PRELID2: variants seen among roughly 807,000 people sequenced by gnomAD.
The protein encoded by PRELID2 is PRELI domain containing 2.
A neutral mutation model predicts 28.4 loss-of-function variants in PRELID2; 25 were observed. The ratio of observed to expected loss-of-function variants is 0.88; its 90% CI spans 0.64 to 1.23. PRELID2 has a LOEUF of 1.23. PRELID2 is among the 50% of genes most tolerant of loss of function. PRELID2 has a pLI of 0.00. For synonymous variants in PRELID2, 76 were observed against 71.6 expected (o/e 1.06, Z -0.31); for missense variants, 201 against 214.4 (o/e 0.94, Z 0.39).
intron 4 of PRELID2, among the ~76,000 whole-genome samples, chr5:145,801,843 A>G (rs1753161690): frequency 6.6e-6 from 1 of 152,164 alleles, no homozygotes; most frequent in South Asian, 2.1e-4. Flanking sequence ...AAGTCACCTG[A>G]TTGTGCTTAT....
At chr5:145,454,311 A>T in the PRELID2 span, among the ~76,000 whole-genome samples, 5 of 152,212 alleles carry the variant, frequency 3.3e-5, no homozygotes, top group Non-Finnish European at 7.3e-5. Flanking sequence ...TGACAAACCC[A>T]CAGCCAATAT....
At chr5:145,565,368 T>C (rs1561507298) in intron 1 of PRELID2, among the ~76,000 whole-genome samples, 1 of 152,236 alleles carries the variant, frequency 6.6e-6, no homozygotes, top group Non-Finnish European at 1.5e-5. Context: ...AATTCTGACA[T>C]TGGCACTGCT....
chr5:145,346,944 T>A, the PRELID2 span, among the ~76,000 whole-genome samples: 8 of 152,154 alleles, frequency 5.3e-5, no homozygotes, highest in Non-Finnish European at 1.2e-4. Context: ...CTGCTTGATC[T>A]GGATAAAGAA....
chr5:145,593,188 G>T (rs962906147), intron 1 of PRELID2, among the ~76,000 whole-genome samples: 1 of 152,118 alleles, frequency 6.6e-6, no homozygotes, highest in Non-Finnish European at 1.5e-5. Flanking sequence ...AGAATCATAC[G>T]TCCTAGTCTT....
At chr5:145,652,308 A>G (rs1754312457) in intron 1 of PRELID2, among the ~76,000 whole-genome samples, 1 of 152,236 alleles carries the variant, frequency 6.6e-6, no homozygotes, top group Admixed American at 6.5e-5. Flanking sequence ...GGGAAAATGG[A>G]ACCAAGTTGG....
chr5:145,803,537 G>A (rs1334344736), intron 4 of PRELID2, among the ~76,000 whole-genome samples: 1 of 152,014 alleles, frequency 6.6e-6, no homozygotes, highest in East Asian at 1.9e-4. Flanking sequence ...AGTTCCTGAA[G>A]CTCTGTGAAG....
chr5:145,759,986 G>A lies in PRELID2; in HGVS notation c.*550C>T, dbSNP rs1757393705. 6.6e-6 allele frequency: 1 copy of A among 151,968 alleles called. No homozygotes were observed. Among genetic ancestry groups the A allele is most frequent in the African/African-American group, 2.4e-5 (1 of 41,348 alleles). 9.4% of individuals were successfully genotyped at this position (151,968 alleles called of 1,614,324 possible). A position where few individuals can be genotyped will look rare whatever the true frequency, so the allele number is the denominator to read the frequency against. Reference sequence around the variant, plus strand: ...ATAGGATAAAAATCTCCTGATTTCTGAGAATCTTAAACATTGTTATAAATA... The same window carrying A: ...ATAGGATAAAAATCTCCTGATTTCTAAGAATCTTAAACATTGTTATAAATA... On this transcript the variant is annotated 3_prime_UTR_variant, in exon 7 of 7. Coordinates refer to ENST00000683046, the MANE Select transcript of PRELID2 (RefSeq NM_205846.3).
chr5:145,551,443 T>C (rs1274939612), intron 1 of PRELID2, among the ~76,000 whole-genome samples: 1 of 148,768 alleles, frequency 6.7e-6, no homozygotes, highest in African/African-American at 2.6e-5. Flanking sequence ...TAAATAAACC[T>C]GCTTAACAAC....
At chr5:145,702,060 A>C (rs189970305) in intron 1 of PRELID2, among the ~76,000 whole-genome samples, 1 of 145,734 alleles carries the variant, frequency 6.9e-6, no homozygotes, top group Non-Finnish European at 1.5e-5. Flanking sequence ...AGGAAAAAAA[A>C]AAATATATAT....
the PRELID2 span, among the ~76,000 whole-genome samples, chr5:145,441,787 G>A: frequency 6.6e-6 from 1 of 152,144 alleles, no homozygotes; most frequent in East Asian, 1.9e-4. Flanking sequence ...TTTGAGGTAG[G>A]GCTTCAGATG....
chr5:145,320,367 T>G, the PRELID2 span, among the ~76,000 whole-genome samples: 8 of 151,642 alleles, frequency 5.3e-5, no homozygotes, highest in African/African-American at 1.9e-4. Context: ...GCCTCACCGC[T>G]TCACGCCATT....
At chr5:145,482,235 C>G (rs1222531801) in intron 1 of PRELID2, among the ~76,000 whole-genome samples, 1 of 152,138 alleles carries the variant, frequency 6.6e-6, no homozygotes, top group Non-Finnish European at 1.5e-5. Context: ...GTAATCTGTT[C>G]CCCATTTGGA....
intron 1 of PRELID2, among the ~76,000 whole-genome samples, chr5:145,524,601 C>A (rs1261965912): frequency 6.6e-6 from 1 of 152,174 alleles, no homozygotes; most frequent in African/African-American, 2.4e-5. Context: ...CCCTTGCTAA[C>A]GTGGAAGCTC....
chr5:145,799,701 G>C (rs1009514471), intron 4 of PRELID2, among the ~76,000 whole-genome samples: 1 of 152,172 alleles, frequency 6.6e-6, no homozygotes, highest in Non-Finnish European at 1.5e-5. Context: ...GTGGGTGTGG[G>C]AGATGTTAGG....
the PRELID2 span, among the ~76,000 whole-genome samples, chr5:145,392,767 A>G: frequency 1.6e-4 from 24 of 152,210 alleles, no homozygotes; most frequent in East Asian, 2.1e-3. Context: ...CATGCTCTCT[A>G]GCCAATCAAA....
intron 5 of PRELID2, among the ~76,000 whole-genome samples, chr5:145,783,049 G>T (rs981324509): frequency 6.6e-6 from 1 of 152,220 alleles, no homozygotes; most frequent in Non-Finnish European, 1.5e-5. Flanking sequence ...GCATCTCACC[G>T]CACTGTGTGG....
the PRELID2 span, among the ~76,000 whole-genome samples, chr5:145,397,948 G>T: frequency 6.6e-6 from 1 of 152,142 alleles, no homozygotes; most frequent in South Asian, 2.1e-4. Context: ...GAGCAAGAAT[G>T]CAATGGTGTG....
At chr5:145,536,239 G>T (rs1490609496) in intron 1 of PRELID2, among the ~76,000 whole-genome samples, 1 of 151,886 alleles carries the variant, frequency 6.6e-6, no homozygotes, top group African/African-American at 2.4e-5. Flanking sequence ...TTTCCACAAG[G>T]TTATAAAAGT....
intron 1 of PRELID2, among the ~76,000 whole-genome samples, chr5:145,704,689 G>C (rs1280060208): frequency 6.6e-6 from 1 of 152,154 alleles, no homozygotes; most frequent in Non-Finnish European, 1.5e-5. Context: ...TTTTGACAAC[G>C]GCTGCAGTTG....
Sources: gnomAD v4.1 joint callset for allele counts (sites outside exome capture counted in the v4.1 genomes callset) on GRCh38, gnomAD v4.1.1 for gene constraint, MANE v1.5 for transcripts, NCBI Gene and HGNC (gene_info 2026-07-23, HGNC 2026-07-21) for gene names.